SERGEF: variants seen among roughly 807,000 people sequenced by gnomAD.
The protein encoded by SERGEF is secretion-regulating guanine nucleotide exchange factor.
Under a neutral mutation model 50.0 loss-of-function variants are expected in SERGEF, and 51 were observed. That is an observed-to-expected ratio of 1.02 (90% confidence interval 0.81 to 1.29). The LOEUF is 1.29. Ranked by LOEUF, SERGEF falls within the 50% of genes most tolerant of loss-of-function variation. SERGEF has a pLI of 0.00. For missense variants in SERGEF, 521 were observed against 557.0 expected (o/e 0.94, Z 0.65); for synonymous variants, 205 against 212.4 (o/e 0.97, Z 0.30).
At chr11:18,009,337 TC>T (rs1854150343) in intron 1 of SERGEF, among the ~76,000 whole-genome samples, 2 of 152,138 alleles carry the variant, frequency 1.3e-5, no homozygotes, top group African/African-American at 4.8e-5. Context: ...TCCTCATCTT[TC>T]CCTTCTTATG....
chr11:17,994,475 CAAAAAAAAA>C (rs58280362), intron 6 of SERGEF, among the ~76,000 whole-genome samples: 20 of 63,714 alleles, frequency 3.1e-4, no homozygotes, highest in African/African-American at 1.4e-3. Flanking sequence ...GACTCTGTCT[CAAAAAAAAA>C]AAAAAAAAAA....
At chr11:17,965,534 G>A (rs900511871) in intron 8 of SERGEF, among the ~76,000 whole-genome samples, 2 of 152,070 alleles carry the variant, frequency 1.3e-5, no homozygotes, top group African/African-American at 4.8e-5. Context: ...GTTCCTCTGT[G>A]CAACAATCTC....
At chr11:18,009,340 C>T (rs1047091591) in intron 1 of SERGEF, among the ~76,000 whole-genome samples, 10 of 152,150 alleles carry the variant, frequency 6.6e-5, no homozygotes, top group African/African-American at 2.2e-4. Flanking sequence ...TCATCTTTCC[C>T]TTCTTATGCT....
intron 9 of SERGEF, among the ~76,000 whole-genome samples, chr11:17,930,974 T>C (rs1210853766): frequency 6.6e-6 from 1 of 152,008 alleles, no homozygotes; most frequent in Non-Finnish European, 1.5e-5. Context: ...GCAGAAAAAA[T>C]GGTCATAAGG....
At chr11:17,889,700 T>C (rs978402884) in intron 9 of SERGEF, among the ~76,000 whole-genome samples, 4 of 152,176 alleles carry the variant, frequency 2.6e-5, no homozygotes, top group Admixed American at 2.0e-4. Context: ...GAGTATTCTA[T>C]CAACGTTAAA....
chr11:17,800,459 C>G (rs528314581), intron 10 of SERGEF, among the ~76,000 whole-genome samples: 1 of 152,272 alleles, frequency 6.6e-6, no homozygotes, highest in African/African-American at 2.4e-5. Flanking sequence ...ACTTATTTAT[C>G]TTTTCATCTG....
intron 10 of SERGEF, among the ~76,000 whole-genome samples, chr11:17,792,552 G>C (rs1849501000): frequency 6.6e-6 from 1 of 152,212 alleles, no homozygotes; most frequent in South Asian, 2.1e-4. Context: ...GGTAGCCAAA[G>C]GACTAGAGCC....
chr11:17,992,997 C>T lies in SERGEF; in HGVS notation c.623-4G>A. 1.9e-6 allele frequency: 3 copies of T among 1,613,214 alleles called. No individual in the cohort carries two copies. Among genetic ancestry groups the T allele is most frequent in the Non-Finnish European group, 8.5e-7 (1 of 1,179,362 alleles). On this transcript the variant is annotated splice_polypyrimidine_tract_variant and splice_region_variant and intron_variant, in intron 6 of 10. Transcript: ENST00000265965. ...ATTGCTTTAGAATTCTCTAGACCTA[C>T]AAAAGAAAAAATGTTCTTCTGAATT...
At chr11:17,963,265 A>G (rs1160256617) in intron 8 of SERGEF, among the ~76,000 whole-genome samples, 3 of 148,470 alleles carry the variant, frequency 2.0e-5, no homozygotes, top group Admixed American at 2.0e-4. Flanking sequence ...AAGGGAGTCA[A>G]GATTGCCAGG....
chr11:17,993,359 G>A (rs908731331), intron 6 of SERGEF, among the ~76,000 whole-genome samples: 7 of 152,206 alleles, frequency 4.6e-5, no homozygotes, highest in African/African-American at 7.2e-5. Context: ...AGACATAGGT[G>A]TGTGTATGTA....
At chr11:17,875,524 A>C (rs1590170710) in intron 10 of SERGEF, among the ~76,000 whole-genome samples, 1 of 152,376 alleles carries the variant, frequency 6.6e-6, no homozygotes, top group East Asian at 1.9e-4. Flanking sequence ...CCAGTGTCAC[A>C]GCATTCGCTT....
chr11:17,994,475 CAAAAAAAAAA>C (rs58280362), intron 6 of SERGEF, among the ~76,000 whole-genome samples: 4 of 63,716 alleles, frequency 6.3e-5, no homozygotes, highest in African/African-American at 1.4e-4. Context: ...GACTCTGTCT[CAAAAAAAAAA>C]AAAAAAAAAA....
intron 9 of SERGEF, among the ~76,000 whole-genome samples, chr11:17,901,512 G>C (rs1851748997): frequency 6.6e-6 from 1 of 152,132 alleles, no homozygotes; most frequent in African/African-American, 2.4e-5. Flanking sequence ...ACCACAAGAA[G>C]TCCATGCTCC....
intron 10 of SERGEF, among the ~76,000 whole-genome samples, chr11:17,798,211 G>T (rs1046439553): frequency 1.3e-5 from 2 of 152,120 alleles, no homozygotes; most frequent in Non-Finnish European, 2.9e-5. Context: ...TTGCTCAAAA[G>T]GTTGCCCAGT....
intron 10 of SERGEF, among the ~76,000 whole-genome samples, chr11:17,815,739 T>A (rs924650560): frequency 6.6e-6 from 1 of 151,060 alleles, no homozygotes; most frequent in Non-Finnish European, 1.5e-5. Flanking sequence ...CTGGCCAACA[T>A]GGTGAAACCT....
rs1009485129 is a variant in SERGEF, at chr11:17,860,069, C to T, written c.1048+18139G>A. Among the ~76,000 whole-genome samples the T allele has an allele frequency of 1.5e-4, 23 of 152,248 alleles. 1 individual carries two copies. The highest frequency in any genetic ancestry group is 1.2e-3 in the Admixed American group (19 of 15,290). ...CTAGAGTAACCATTTCAGAGTGGAA[C>T]AGAAAGGCTGAACCCCAGAGTGGCA... On this transcript the variant is annotated intron_variant, in intron 10 of 10. Transcript: ENST00000265965.
intron 9 of SERGEF, among the ~76,000 whole-genome samples, chr11:17,891,328 G>C (rs769895331): frequency 6.6e-6 from 1 of 152,164 alleles, no homozygotes; most frequent in Non-Finnish European, 1.5e-5. Flanking sequence ...ATTTGAGTCA[G>C]CAATGTGACA....
chr11:17,853,220 C>T (rs1040694989), intron 10 of SERGEF, among the ~76,000 whole-genome samples: 2 of 152,158 alleles, frequency 1.3e-5, no homozygotes, highest in Non-Finnish European at 2.9e-5. Flanking sequence ...CATACATGAA[C>T]AGTGCTTGGC....
intron 9 of SERGEF, among the ~76,000 whole-genome samples, chr11:17,895,932 T>C (rs185046756): frequency 3.9e-5 from 6 of 152,206 alleles, no homozygotes; most frequent in African/African-American, 1.4e-4. Context: ...TCATTGAAAA[T>C]GTGATTTTCC....
Sources: allele counts gnomAD v4.1 joint callset (sites outside exome capture counted in the v4.1 genomes callset), GRCh38; gene constraint gnomAD v4.1.1; transcripts MANE v1.5; gene names NCBI Gene and HGNC (gene_info 2026-07-23, HGNC 2026-07-21).